PLXDC2: variants seen among roughly 807,000 people sequenced by gnomAD.
PLXDC2 encodes plexin domain containing 2.
Under a neutral mutation model 68.9 loss-of-function variants are expected in PLXDC2, and 40 were observed. The observed-to-expected ratio is 0.58, with a 90% CI of 0.45 to 0.76. The LOEUF is 0.76. Ranked by LOEUF, PLXDC2 falls within the 30% of genes least tolerant of loss-of-function variation. The probability of loss-of-function intolerance (pLI) is 0.00; values close to 1 mark genes in which losing one functional copy is unlikely to be tolerated. For synonymous variants in PLXDC2, 243 were observed against 234.2 expected, an observed-to-expected ratio of 1.04 and a Z score of -0.34; for missense variants, 644 against 661.9, an observed-to-expected ratio of 0.97 and a Z score of 0.30.
chr10:20,076,135 ATGCC>A (rs1836444552), intron 4 of PLXDC2, among the ~76,000 whole-genome samples: 1 of 152,254 alleles, frequency 6.6e-6, no homozygotes, highest in Non-Finnish European at 1.5e-5. Context: ...GTAACAATAT[ATGCC>A]AGATGCTCTA....
At chr10:20,122,065 G>A (rs1296178517) in intron 4 of PLXDC2, among the ~76,000 whole-genome samples, 2 of 151,914 alleles carry the variant, frequency 1.3e-5, no homozygotes, top group African/African-American at 2.4e-5. Flanking sequence ...GGGAAGAAGG[G>A]CAGCCATGAG....
chr10:20,159,094 A>G (rs576875226), intron 6 of PLXDC2, among the ~76,000 whole-genome samples: 1 of 152,186 alleles, frequency 6.6e-6, no homozygotes, highest in African/African-American at 2.4e-5. Flanking sequence ...TTAATGGAGA[A>G]CATTTGAAGC....
rs116722077 is a variant in PLXDC2 at position 19,943,475 on chromosome 10, A to G, written c.113-58300A>G. Among the ~76,000 whole-genome samples, 685 of 152,352 alleles carry G rather than the reference A, an allele frequency of 4.5e-3. 5 individuals carry two copies. The highest frequency in any genetic ancestry group is 0.015 in the African/African-American group (627 of 41,588). On this transcript the variant is annotated intron_variant, in intron 1 of 13. Coordinates refer to ENST00000377252, the MANE Select transcript of PLXDC2 (RefSeq NM_032812.9). ...GAGTGAAAATTCTTTAATTGAGAAG[A>G]CATTATGTAAAATTCATCCCATAAA...
intron 7 of PLXDC2, among the ~76,000 whole-genome samples, chr10:20,170,703 G>T (rs1390640887): frequency 6.6e-6 from 1 of 151,946 alleles, no homozygotes; most frequent in African/African-American, 2.4e-5. Flanking sequence ...GCCACATGTG[G>T]CTACTATGAA....
intron 5 of PLXDC2, among the ~76,000 whole-genome samples, chr10:20,144,480 C>A (rs776475359): frequency 2.6e-5 from 4 of 152,160 alleles, no homozygotes; most frequent in Admixed American, 6.5e-5. Flanking sequence ...ACACGTTGAA[C>A]ATCTTGAGTA....
intron 1 of PLXDC2, among the ~76,000 whole-genome samples, chr10:19,910,163 C>T (rs981538451): frequency 5.5e-5 from 5 of 90,796 alleles, no homozygotes; most frequent in African/African-American, 1.1e-4. Flanking sequence ...GTAAATTGTA[C>T]ACTTTTATAT....
intron 1 of PLXDC2, among the ~76,000 whole-genome samples, chr10:19,939,084 C>A (rs1833773467): frequency 6.6e-6 from 1 of 152,108 alleles, no homozygotes; most frequent in Admixed American, 6.5e-5. Flanking sequence ...AAAAATATTT[C>A]AAGGTTTTAT....
intron 13 of PLXDC2, among the ~76,000 whole-genome samples, chr10:20,274,713 C>T (rs754130141): frequency 8.5e-5 from 13 of 152,084 alleles, no homozygotes; most frequent in Non-Finnish European, 1.8e-4. Context: ...GAAAAAGTGA[C>T]CTACATTTCA....
intron 1 of PLXDC2, among the ~76,000 whole-genome samples, chr10:19,931,959 G>GTGTGTT (rs543155709): frequency 0.013 from 2,028 of 151,752 alleles, 48 homozygotes; most frequent in African/African-American, 0.046. Flanking sequence ...GGAAGTGTGT[G>GTGTGTT]TGTGTGTGTG....
At position 20,049,245 on chromosome 10, in the gene PLXDC2, G is replaced by A. The variant is rs115936705; in HGVS notation, c.471+2230G>A. Among the ~76,000 whole-genome samples, 411 of 152,220 alleles carry A rather than the reference G, an allele frequency of 2.7e-3. 6 individuals are homozygous for A. The highest frequency in any genetic ancestry group is 8.9e-3 in the African/African-American group (369 of 41,544). On this transcript the variant is annotated intron_variant, in intron 3 of 13. Transcript: ENST00000377252. The stretch of plus-strand genomic sequence containing the variant: ...AAGAGCCATCTATGACAAACCCACA[G>A]CTAACATTATACCGAATGGGCAAAA...
intron 1 of PLXDC2, among the ~76,000 whole-genome samples, chr10:19,832,097 A>C (rs150833944): frequency 6.6e-6 from 1 of 152,346 alleles, no homozygotes; most frequent in Non-Finnish European, 1.5e-5. Flanking sequence ...TTTATTCATA[A>C]GTGCTCCATA....
chr10:20,256,579 T>C (rs1321656189), intron 13 of PLXDC2, among the ~76,000 whole-genome samples: 4 of 152,192 alleles, frequency 2.6e-5, no homozygotes, highest in Admixed American at 2.6e-4. Context: ...TTAAAATTTA[T>C]TGTGCCCCTA....
rs184420679 is a variant in PLXDC2 at position 19,927,668 on chromosome 10, G to A, written c.113-74107G>A. 3.6e-3 allele frequency among the ~76,000 whole-genome samples: 464 copies of A among 127,710 alleles called. 4 individuals carry two copies. The highest frequency in any genetic ancestry group is 0.013 in the African/African-American group (435 of 33,180). 83.8% of individuals were successfully genotyped at this position (127,710 alleles called of 152,430 possible). A position where few individuals can be genotyped will look rare whatever the true frequency, so the allele number is the denominator to read the frequency against. On this transcript the variant is annotated intron_variant, in intron 1 of 13. Coordinates refer to ENST00000377252, the MANE Select transcript of PLXDC2 (RefSeq NM_032812.9). The stretch of plus-strand genomic sequence containing the variant: ...AGTGAGCCGAGATTGCCCACTGCAC[G>A]CCAGCCTGGGTGACAGAGTGAGACT...
chr10:19,881,092 C>T (rs1424766097), intron 1 of PLXDC2, among the ~76,000 whole-genome samples: 1 of 151,980 alleles, frequency 6.6e-6, no homozygotes, highest in African/African-American at 2.4e-5. Flanking sequence ...TCTCCAGTTT[C>T]TGAAATTTAT....
At chr10:20,086,184 G>A (rs776199926) in intron 4 of PLXDC2, among the ~76,000 whole-genome samples, 3 of 151,972 alleles carry the variant, frequency 2.0e-5, no homozygotes, top group South Asian at 2.1e-4. Context: ...TGACGAGACA[G>A]GGTTTCACCC....
intron 1 of PLXDC2, among the ~76,000 whole-genome samples, chr10:19,955,035 C>T (rs1254377278): frequency 6.7e-6 from 1 of 149,802 alleles, no homozygotes; most frequent in Non-Finnish European, 1.5e-5. Flanking sequence ...TTGGGCCTTC[C>T]TTGTTGCCTA....
chr10:20,166,343 G>A (rs1034988618), intron 7 of PLXDC2, among the ~76,000 whole-genome samples: 1 of 152,072 alleles, frequency 6.6e-6, no homozygotes, highest in South Asian at 2.1e-4. Flanking sequence ...AGAATTTGTG[G>A]GAGGCAATAT....
chr10:20,152,169 C>G (rs1225039433), intron 6 of PLXDC2, among the ~76,000 whole-genome samples: 1 of 152,018 alleles, frequency 6.6e-6, no homozygotes, highest in Non-Finnish European at 1.5e-5. Context: ...TTGCAGTGCA[C>G]ACTAAATGAT....
At chr10:20,180,575 G>C (rs950780863) in intron 9 of PLXDC2, among the ~76,000 whole-genome samples, 1 of 151,896 alleles carries the variant, frequency 6.6e-6, no homozygotes, top group African/African-American at 2.4e-5. Context: ...TTCTCCCATA[G>C]CTCTTACTTT....
Sources: gnomAD v4.1 joint callset for allele counts (sites outside exome capture counted in the v4.1 genomes callset) on GRCh38, gnomAD v4.1.1 for gene constraint, MANE v1.5 for transcripts, NCBI Gene and HGNC (gene_info 2026-07-23, HGNC 2026-07-21) for gene names.